The following LRRC20 variants were observed in gnomAD, a reference collection of about 807,000 sequenced individuals.
LRRC20 encodes leucine rich repeat containing 20, also known as leucine-rich repeat-containing protein 20.
Under a neutral mutation model 14.4 loss-of-function variants are expected in LRRC20, and 11 were observed. That is an observed-to-expected ratio of 0.77 (90% CI 0.48 to 1.27). The LOEUF is 1.27. LRRC20 is among the 50% of genes most tolerant of loss of function. The pLI is 0.00. For missense variants in LRRC20, 219 were observed against 251.2 expected (o/e 0.87, Z 0.87); for synonymous variants, 121 against 107.3 (o/e 1.13, Z -0.79).
chr10:70,331,772 T>C (rs1842544697), intron 3 of LRRC20, among the ~76,000 whole-genome samples: 1 of 152,206 alleles, frequency 6.6e-6, no homozygotes, highest in Non-Finnish European at 1.5e-5. Flanking sequence ...GTACCCAGCC[T>C]GAGAGCAGCC....
chr10:70,343,650 G>A (rs1474587971), intron 2 of LRRC20, among the ~76,000 whole-genome samples: 3 of 152,204 alleles, frequency 2.0e-5, no homozygotes, highest in African/African-American at 7.2e-5. Flanking sequence ...AGAGTTTGGG[G>A]CAACCTGGGG....
At chr10:70,306,688 A>T (rs1390065408) in intron 4 of LRRC20, among the ~76,000 whole-genome samples, 1 of 152,120 alleles carries the variant, frequency 6.6e-6, no homozygotes, top group Non-Finnish European at 1.5e-5. Flanking sequence ...CTTGCATCTA[A>T]CAAGAAGTCT....
At chr10:70,335,004 C>G (rs1042695276) in intron 3 of LRRC20, among the ~76,000 whole-genome samples, 4 of 152,182 alleles carry the variant, frequency 2.6e-5, no homozygotes, top group Admixed American at 2.6e-4. Flanking sequence ...CAGGCTCCCC[C>G]CAGGTGTCAT....
chr10:70,366,588 TA>T (rs1844010047), intron 2 of LRRC20, among the ~76,000 whole-genome samples: 1 of 152,126 alleles, frequency 6.6e-6, no homozygotes, highest in African/African-American at 2.4e-5. Context: ...TGTATACAAG[TA>T]AAAAACATAC....
At chr10:70,315,349 C>CA (rs1340146161) in intron 4 of LRRC20, among the ~76,000 whole-genome samples, 2 of 152,168 alleles carry the variant, frequency 1.3e-5, no homozygotes, top group Non-Finnish European at 2.9e-5. Flanking sequence ...AAAGTGTCCC[C>CA]AGAGGGTTGA....
chr10:70,311,780 A>G (rs1841677243), intron 4 of LRRC20, among the ~76,000 whole-genome samples: 1 of 152,200 alleles, frequency 6.6e-6, no homozygotes, highest in Non-Finnish European at 1.5e-5. Context: ...CTCAAGCAGA[A>G]TTAAACTATG....
intron 2 of LRRC20, among the ~76,000 whole-genome samples, chr10:70,361,063 A>AAG (rs1194240488): frequency 6.9e-4 from 105 of 151,362 alleles, no homozygotes; most frequent in African/African-American, 2.3e-3. Flanking sequence ...AAAAAAAAAA[A>AAG]AGAGAGAGAG....
At position 70,340,655 on chromosome 10, in the gene LRRC20, C is replaced by A. The variant is rs774637296; in HGVS notation, c.130G>T (p.Val44Phe). 3 of 1,614,070 alleles carry A rather than the reference C, an allele frequency of 1.9e-6. No homozygotes were observed. In the African/African-American group the frequency reaches 4.0e-5, roughly 22 times the overall value. The change falls in exon 3 of 5, where the codon GTC (valine) becomes TTC (phenylalanine). Residue 44 changes from valine to phenylalanine, a missense_variant. Physicochemically the swap from Val to Phe is conservative, Grantham distance 50 (BLOSUM62 -1). Coordinates refer to ENST00000446961, the MANE Select transcript of LRRC20 (RefSeq NM_001278212.2). Reference sequence around the variant, plus strand: ...ATCTGGCCAGAGACATTCCGCAGGACCTTGTAGATGCCAATGGGAAAGGAG... The same window carrying A: ...ATCTGGCCAGAGACATTCCGCAGGAACTTGTAGATGCCAATGGGAAAGGAG... ...LVSFPIGIYK[V>F]LRNVSGQIHL...
intron 2 of LRRC20, among the ~76,000 whole-genome samples, chr10:70,370,175 T>C (rs1844210650): frequency 2.0e-5 from 3 of 152,154 alleles, no homozygotes; most frequent in Non-Finnish European, 2.9e-5. Context: ...TGTTAATACT[T>C]AGGATTTGAA....
Position 70,311,621 on chromosome 10 carries a change from T to A in LRRC20, c.401-10113A>T, listed in dbSNP as rs567415361. Reference sequence around the variant, plus strand: ...GAGCCTATGACTGTAGAATGTAGGATGTGAGGTTCTAGAATCCTTTTATGA... The same window carrying A: ...GAGCCTATGACTGTAGAATGTAGGAAGTGAGGTTCTAGAATCCTTTTATGA... On this transcript the variant is annotated intron_variant, in intron 4 of 4. Coordinates refer to ENST00000446961, the MANE Select transcript of LRRC20 (RefSeq NM_001278212.2). Among the ~76,000 whole-genome samples the A allele has an allele frequency of 5.9e-5, 9 of 152,316 alleles. No individual in the cohort carries two copies. In the South Asian group the frequency reaches 1.9e-3, roughly 32 times the overall value.
chr10:70,372,862 G>C (rs1413627427), intron 2 of LRRC20, among the ~76,000 whole-genome samples: 2 of 151,716 alleles, frequency 1.3e-5, no homozygotes, highest in East Asian at 1.9e-4. Flanking sequence ...CAGCACTTTA[G>C]GAGGCTGAGG....
chr10:70,352,037 AT>A (rs1427630760), intron 2 of LRRC20, among the ~76,000 whole-genome samples: 1 of 151,906 alleles, frequency 6.6e-6, no homozygotes, highest in African/African-American at 2.4e-5. Context: ...CTTAGTAAGC[AT>A]ATTTAGGTGA....
intron 2 of LRRC20, among the ~76,000 whole-genome samples, chr10:70,373,919 C>G (rs1844402583): frequency 6.6e-6 from 1 of 152,216 alleles, no homozygotes; most frequent in Non-Finnish European, 1.5e-5. Flanking sequence ...CTGGTCGCAG[C>G]ATGCCCTGCC....
chr10:70,302,895 A>G (rs1456660005), intron 4 of LRRC20, among the ~76,000 whole-genome samples: 2 of 152,136 alleles, frequency 1.3e-5, no homozygotes, highest in East Asian at 3.9e-4. Flanking sequence ...TATTTTTAGT[A>G]GAGACGGGGT....
intron 4 of LRRC20, among the ~76,000 whole-genome samples, chr10:70,318,422 C>T (rs1841951702): frequency 6.6e-6 from 1 of 152,146 alleles, no homozygotes; most frequent in South Asian, 2.1e-4. Flanking sequence ...GTAAATGCAG[C>T]CCAAAGCATC....
chr10:70,353,174 C>T (rs1843383978), intron 2 of LRRC20, among the ~76,000 whole-genome samples: 1 of 152,210 alleles, frequency 6.6e-6, no homozygotes, highest in Non-Finnish European at 1.5e-5. Context: ...CCATTCCTCA[C>T]AACCACCCTA....
intron 3 of LRRC20, among the ~76,000 whole-genome samples, chr10:70,327,074 C>T (rs945214126): frequency 1.3e-5 from 2 of 152,148 alleles, no homozygotes; most frequent in Non-Finnish European, 2.9e-5. Flanking sequence ...GAGACATTTC[C>T]AAGAGCCTGT....
chr10:70,339,892 G>A (rs749948722), intron 3 of LRRC20, among the ~76,000 whole-genome samples: 4 of 152,046 alleles, frequency 2.6e-5, no homozygotes, highest in South Asian at 2.1e-4. Flanking sequence ...AGACTGAGGC[G>A]GGCAGATCAC....
rs11314061 is a variant in LRRC20 at position 70,311,222 on chromosome 10, A to ATTTTTTTTTTTTTT, written c.401-9728_401-9715dup. ...ACATCCAGGTTGTTTTCAACATTCCATTTTTTTTTTTTTTTTTTTTTTTTG... is the reference window on the plus strand; with the variant it reads ...ACATCCAGGTTGTTTTCAACATTCCATTTTTTTTTTTTTTTTTTTTTTTTTTTTTTTTTTTTTTG... On this transcript the variant is annotated intron_variant, in intron 4 of 4. Transcript: ENST00000446961. Among the ~76,000 whole-genome samples, 180 of 86,324 alleles carry ATTTTTTTTTTTTTT rather than the reference A, an allele frequency of 2.1e-3. 7 individuals carry two copies. The highest frequency in any genetic ancestry group is 9.2e-3 in the East Asian group (23 of 2,500). The allele number at this position is 86,324 out of a possible 152,430, so 56.6% of individuals were successfully genotyped here.
Sources: allele counts gnomAD v4.1 joint callset (sites outside exome capture counted in the v4.1 genomes callset), GRCh38; gene constraint gnomAD v4.1.1; transcripts MANE v1.5; gene names NCBI Gene and HGNC (gene_info 2026-07-23, HGNC 2026-07-21).